Variants in FAM163A observed in about 807,000 individuals in gnomAD.
FAM163A encodes family with sequence similarity 163 member A, also known as protein FAM163A.
Under a neutral mutation model 12.0 loss-of-function variants are expected in FAM163A, and 7 were observed. That is an observed-to-expected ratio of 0.58 (90% CI 0.33 to 1.10). The LOEUF (loss-of-function observed/expected upper bound fraction) is 1.10, where lower values mean the gene tolerates loss of function less well. Among genes scored for constraint, FAM163A ranks in the 50% least tolerant of loss-of-function variants. FAM163A has a pLI of 0.03. For missense variants in FAM163A, 202 were observed against 218.6 expected (o/e 0.92, Z 0.48); for synonymous variants, 101 against 91.0 (o/e 1.11, Z -0.62).
chr1:179,740,763 G>A (rs1683545388), upstream of FAM163A, among the ~76,000 whole-genome samples: 1 of 152,184 alleles, frequency 6.6e-6, no homozygotes, highest in Admixed American at 6.5e-5. Flanking sequence ...GGAAACAGGT[G>A]TGGCTACGAA....
upstream of FAM163A, chr1:179,742,388 G>A (rs1683754828): frequency 6.6e-6 from 1 of 152,188 alleles, no homozygotes; most frequent in South Asian, 2.1e-4. Flanking sequence ...GAAAACTGTT[G>A]ATGTAGTGGG....
chr1:179,728,603 C>T, the FAM163A span, among the ~76,000 whole-genome samples: 2 of 152,120 alleles, frequency 1.3e-5, no homozygotes, highest in Non-Finnish European at 2.9e-5. Context: ...CTCCATATCT[C>T]CCTGTGATAA....
rs772232316 is a variant in FAM163A at position 179,814,235 on chromosome 1, C to T, written c.*46C>T. On this transcript the variant is annotated 3_prime_UTR_variant, in exon 5 of 5. Coordinates refer to ENST00000341785, the MANE Select transcript of FAM163A (RefSeq NM_173509.3). The stretch of plus-strand genomic sequence containing the variant: ...ACACACACCCACACTGCTGCCCTGG[C>T]GGGGGCCATGGGGGTGATGAATGAC... The T allele has an allele frequency of 9.1e-6, 14 of 1,546,876 alleles. No individual in the cohort carries two copies. In the African/African-American group the frequency reaches 9.6e-5, roughly 11 times the overall value.
intron 1 of FAM163A, among the ~76,000 whole-genome samples, chr1:179,797,586 C>T (rs905433961): frequency 6.6e-6 from 1 of 151,942 alleles, no homozygotes; most frequent in Non-Finnish European, 1.5e-5. Flanking sequence ...TTTAAGTGTT[C>T]TTACCTTAAA....
upstream of FAM163A, chr1:179,742,751 C>T (rs74132246): frequency 6.6e-6 from 1 of 152,412 alleles, no homozygotes; most frequent in Non-Finnish European, 1.5e-5. Context: ...TCTCTCCCTT[C>T]CTGCCTCTTC....
rs202244671 is a variant in FAM163A at position 179,813,960 on chromosome 1, C to T, written c.275C>T (p.Ala92Val). 2.6e-6 allele frequency: 4 copies of T among 1,543,702 alleles called. No individual in the cohort carries two copies. Among genetic ancestry groups the T allele is most frequent in the African/African-American group, 2.7e-5 (2 of 73,498 alleles). ...EPCSQPCGVA[A>V]SHCTTCSPYS... ...TGCAGCCAGCCCTGTGGGGTGGCCG[C>T]GAGCCACTGCACTACCTGCTCCCCA... The change falls in exon 5 of 5, where the codon GCG becomes GTG. Residue 92 changes from alanine (A) to valine (V), a missense_variant. By Grantham distance (64) the Ala-to-Val change is moderately conservative. Transcript: ENST00000341785.
chr1:179,764,663 T>C (rs111986088), intron 1 of FAM163A, among the ~76,000 whole-genome samples: 206 of 152,264 alleles, frequency 1.4e-3, no homozygotes, highest in African/African-American at 4.8e-3. Flanking sequence ...TAGAGGTATG[T>C]AACTGCTTCA....
upstream of FAM163A, among the ~76,000 whole-genome samples, chr1:179,740,913 ATC>A (rs1683562493): frequency 6.6e-6 from 1 of 152,114 alleles, no homozygotes; most frequent in African/African-American, 2.4e-5. Flanking sequence ...GGTACTTGCA[ATC>A]TCTCTGTATT....
chr1:179,806,760 A>G (rs374938366), intron 1 of FAM163A, among the ~76,000 whole-genome samples: 8 of 152,218 alleles, frequency 5.3e-5, no homozygotes, highest in African/African-American at 1.9e-4. Flanking sequence ...TCCTTCTCTC[A>G]GTGTAGGGTC....
At chr1:179,730,437 T>TA in the FAM163A span, 1 of 152,218 alleles carries the variant, frequency 6.6e-6, no homozygotes, top group South Asian at 2.1e-4. Flanking sequence ...AAGCAACACT[T>TA]AGACTCTTGC....
At chr1:179,742,032 C>G (rs1246563239), upstream of FAM163A, 2 of 152,166 alleles carry the variant, frequency 1.3e-5, no homozygotes, top group Non-Finnish European at 2.9e-5. Flanking sequence ...AATGTAGGCA[C>G]GAGCCTTAAC....
At chr1:179,812,918 T>C (rs1318539938) in intron 3 of FAM163A, among the ~76,000 whole-genome samples, 158 bp from the exon 4 acceptor site, 5 of 152,144 alleles carry the variant, frequency 3.3e-5, no homozygotes, top group African/African-American at 1.2e-4. Context: ...GCCACAGTCG[T>C]CCTCAGCCTT....
intron 1 of FAM163A, among the ~76,000 whole-genome samples, chr1:179,794,810 G>A (rs553739708): frequency 6.6e-6 from 1 of 152,134 alleles, no homozygotes; most frequent in Non-Finnish European, 1.5e-5. Context: ...TGGGTCATGA[G>A]GAAATGCTGA....
the FAM163A span, among the ~76,000 whole-genome samples, chr1:179,732,737 C>T: frequency 1.3e-5 from 2 of 151,618 alleles, no homozygotes; most frequent in Admixed American, 6.6e-5. Context: ...AAAAATTAGC[C>T]AGGCGTGGTG....
At position 179,803,661 on chromosome 1, in the gene FAM163A, C is replaced by T. The variant is rs577013571; in HGVS notation, c.-135-4137C>T. Among the ~76,000 whole-genome samples, 7 of 152,084 alleles carry T rather than the reference C, an allele frequency of 4.6e-5. No individual in the cohort carries two copies. In the South Asian group the frequency reaches 1.0e-3, roughly 23 times the overall value. The stretch of plus-strand genomic sequence containing the variant: ...TCAGCTCACTGCAACCTCCACCTCC[C>T]GGGTTCAAGCAATTCTCCTGCCTCA... On this transcript the variant is annotated intron_variant, in intron 1 of 4. Transcript: ENST00000341785.
At position 179,798,924 on chromosome 1, in the gene FAM163A, G is replaced by A. The variant is rs188475913; in HGVS notation, c.-135-8874G>A. Among the ~76,000 whole-genome samples, 282 of 152,110 alleles carry A rather than the reference G, an allele frequency of 1.9e-3. 1 individual carries two copies. Among genetic ancestry groups the A allele is most frequent in the Non-Finnish European group, 3.4e-3 (229 of 67,990 alleles). ...TTGGAAACCCCTTTGCAAGCCTCCC[G>A]CTTCCTGCCACCCTGAGTGTGAGGA... On this transcript the variant is annotated intron_variant, in intron 1 of 4. Transcript: ENST00000341785.
At chr1:179,781,807 G>A (rs919132579) in intron 1 of FAM163A, among the ~76,000 whole-genome samples, 7 of 152,000 alleles carry the variant, frequency 4.6e-5, no homozygotes, top group Non-Finnish European at 8.8e-5. Context: ...GGTGGCGGGT[G>A]ACTGTAATCC....
chr1:179,794,967 G>T (rs758995131), intron 1 of FAM163A, among the ~76,000 whole-genome samples: 1 of 152,128 alleles, frequency 6.6e-6, no homozygotes, highest in Non-Finnish European at 1.5e-5. Flanking sequence ...CAAGGCCTGG[G>T]CTCCTTCCCA....
chr1:179,772,390 T>C (rs914569054), intron 1 of FAM163A, among the ~76,000 whole-genome samples: 2 of 152,204 alleles, frequency 1.3e-5, no homozygotes, highest in African/African-American at 4.8e-5. Flanking sequence ...TTTCAGTCTT[T>C]ATGTCTCCAG....
Sources: allele counts gnomAD v4.1 joint callset (sites outside exome capture counted in the v4.1 genomes callset), GRCh38; gene constraint gnomAD v4.1.1; transcripts MANE v1.5; gene names NCBI Gene and HGNC (gene_info 2026-07-23, HGNC 2026-07-21).